RASA1: variants seen among roughly 807,000 people sequenced by gnomAD.
RASA1 encodes the protein ras GTPase-activating protein 1.
In RASA1, 25 loss-of-function variants were observed where a neutral mutation model predicts 132.2. The observed-to-expected ratio is 0.19, with a 90% CI of 0.14 to 0.26. RASA1 has a LOEUF of 0.26. Among genes scored for constraint, RASA1 ranks in the 10% least tolerant of loss-of-function variants. The pLI is 1.00. For synonymous variants in RASA1, 477 were observed against 449.9 expected (o/e 1.06, Z -0.76); for missense variants, 964 against 1,299.2 (o/e 0.74, Z 3.97).
At chr5:87,365,843 G>A (rs1760476549) in intron 11 of RASA1, among the ~76,000 whole-genome samples, 1 of 151,948 alleles carries the variant, frequency 6.6e-6, no homozygotes, top group Non-Finnish European at 1.5e-5. Flanking sequence ...GAGGCTTCAC[G>A]ATAGGAACAT....
intron 8 of RASA1, among the ~76,000 whole-genome samples, chr5:87,350,671 T>C (rs1759195681): frequency 2.0e-5 from 3 of 151,474 alleles, no homozygotes; most frequent in African/African-American, 7.3e-5. Flanking sequence ...GTATTTTAAG[T>C]AGATTTCTGT....
intron 4 of RASA1, among the ~76,000 whole-genome samples, chr5:87,336,509 TA>T (rs1757981804): frequency 1.3e-5 from 2 of 152,234 alleles, no homozygotes; most frequent in South Asian, 4.1e-4. Flanking sequence ...ATTAATGATT[TA>T]ATAAAGCACT....
chr5:87,349,450 T>C, intron 8 of RASA1, 86 bp downstream of exon 8: 2 of 1,438,774 alleles, frequency 1.4e-6, no homozygotes, highest in East Asian at 2.4e-5. Context: ...CAAAATTATA[T>C]AAAAGTTTCT....
intron 6 of RASA1, among the ~76,000 whole-genome samples, chr5:87,346,039 A>C (rs572980103): frequency 1.3e-5 from 2 of 152,246 alleles, no homozygotes; most frequent in East Asian, 3.9e-4. Context: ...TGTCTTGACT[A>C]TGATGCCTTT....
At chr5:87,361,529 T>A (rs1189192290) in intron 9 of RASA1, among the ~76,000 whole-genome samples, 1 of 152,148 alleles carries the variant, frequency 6.6e-6, no homozygotes, top group Non-Finnish European at 1.5e-5. Flanking sequence ...TAGTAAGAAC[T>A]ACTCAAAAAG....
rs1264491831 is a variant in RASA1, at chr5:87,341,301, A to G, written c.1029A>G (p.Glu343=). 9 of 1,355,420 alleles carry G rather than the reference A, an allele frequency of 6.6e-6. No individual in the cohort carries two copies. The highest frequency in any genetic ancestry group is 7.7e-6 in the Non-Finnish European group (8 of 1,045,666). The allele number at this position is 1,355,420 out of a possible 1,614,324, so 84.0% of individuals were successfully genotyped here. A position where few individuals can be genotyped will look rare whatever the true frequency, so the allele number is the denominator to read the frequency against. The part of the protein sequence containing the change: ...EDLVEEVGRE[E]DPHEGKIWFH... ...TGTCTTCCCTTTAGGGCCGGGAAGA[A>G]GATCCACATGAAGGAAAAATGTGAG... Residue 343 remains glutamate (E), a synonymous_variant, in exon 6 of 25, where the codon GAA becomes GAG. Coordinates refer to ENST00000274376, the MANE Select transcript of RASA1 (RefSeq NM_002890.3).
intron 1 of RASA1, among the ~76,000 whole-genome samples, chr5:87,276,184 T>G (rs970679957): frequency 6.6e-6 from 1 of 152,182 alleles, no homozygotes; most frequent in African/African-American, 2.4e-5. Context: ...TTATGAGTTC[T>G]TCCTTCAGGC....
At chr5:87,287,067 C>G (rs1172831704) in intron 1 of RASA1, among the ~76,000 whole-genome samples, 1 of 143,670 alleles carries the variant, frequency 7.0e-6, no homozygotes, top group Non-Finnish European at 1.5e-5. Flanking sequence ...CATGTATATA[C>G]ACACCATATA....
intron 17 of RASA1, among the ~76,000 whole-genome samples, chr5:87,377,932 T>C (rs1427673746): frequency 6.6e-6 from 1 of 152,208 alleles, no homozygotes; most frequent in Non-Finnish European, 1.5e-5. Flanking sequence ...CTGACAGCAT[T>C]TGTATTTCAT....
At chr5:87,295,606 G>C (rs1247665643) in intron 1 of RASA1, among the ~76,000 whole-genome samples, 1 of 151,944 alleles carries the variant, frequency 6.6e-6, no homozygotes, top group African/African-American at 2.4e-5. Flanking sequence ...CCTGGCTCAA[G>C]TGATCCTCCC....
chr5:87,326,736 C>T (rs1019100589), intron 1 of RASA1, among the ~76,000 whole-genome samples: 1 of 152,072 alleles, frequency 6.6e-6, no homozygotes, highest in African/African-American at 2.4e-5. Context: ...GGGTTTCCTT[C>T]TAGAGTTGCC....
intron 1 of RASA1, among the ~76,000 whole-genome samples, chr5:87,316,112 G>A (rs1169910909): frequency 6.6e-6 from 1 of 152,170 alleles, no homozygotes; most frequent in Non-Finnish European, 1.5e-5. Context: ...GTGCTAGAAT[G>A]CTCTGAGACC....
intron 24 of RASA1, among the ~76,000 whole-genome samples, chr5:87,390,588 T>C (rs112501549): frequency 1.3e-5 from 2 of 152,270 alleles, no homozygotes. Flanking sequence ...ACAAACAAAT[T>C]TCTGTTCACT....
At chr5:87,286,950 T>G (rs1754601572) in intron 1 of RASA1, among the ~76,000 whole-genome samples, 1 of 148,056 alleles carries the variant, frequency 6.8e-6, no homozygotes, top group Admixed American at 6.7e-5. Context: ...ACACCATATA[T>G]ATACATACCA....
chr5:87,280,926 CTTT>C (rs199882718), intron 1 of RASA1, among the ~76,000 whole-genome samples: 2 of 140,416 alleles, frequency 1.4e-5, no homozygotes, highest in Admixed American at 1.4e-4. Context: ...TGGCTAATTT[CTTT>C]TTTTTTTTTT....
intron 1 of RASA1, among the ~76,000 whole-genome samples, chr5:87,304,939 CT>C (rs756572506): frequency 0.011 from 725 of 64,416 alleles, 3 homozygotes; most frequent in African/African-American, 0.025. Context: ...TCTTTTAGTC[CT>C]TTTTTTTTTT....
At chr5:87,376,357 C>G in intron 15 of RASA1, 36 bp from the exon 16 acceptor site, 10 of 1,610,226 alleles carry the variant, frequency 6.2e-6, no homozygotes, top group Non-Finnish European at 8.5e-6. Context: ...ATCGTGTTCT[C>G]TTTTTAAACA....
chr5:87,345,135 C>T (rs1352838976), intron 6 of RASA1, among the ~76,000 whole-genome samples: 3 of 152,066 alleles, frequency 2.0e-5, no homozygotes, highest in Non-Finnish European at 2.9e-5. Context: ...CCAGTTCCCA[C>T]GCCTGGCCTA....
At chr5:87,280,926 CT>C (rs199882718) in intron 1 of RASA1, among the ~76,000 whole-genome samples, 277 of 140,114 alleles carry the variant, frequency 2.0e-3, no homozygotes, top group East Asian at 5.3e-3. Flanking sequence ...TGGCTAATTT[CT>C]TTTTTTTTTT....
Sources: gnomAD v4.1 joint callset for allele counts (sites outside exome capture counted in the v4.1 genomes callset) on GRCh38, gnomAD v4.1.1 for gene constraint, MANE v1.5 for transcripts, NCBI Gene and HGNC (gene_info 2026-07-23, HGNC 2026-07-21) for gene names.